SDK1: variants seen among roughly 807,000 people sequenced by gnomAD.
The protein encoded by SDK1 is protein sidekick-1.
In SDK1, 157 loss-of-function variants were observed where a neutral mutation model predicts 245.5. The ratio of observed to expected loss-of-function variants is 0.64; its 90% CI spans 0.56 to 0.73. The LOEUF is 0.73. Ranked by LOEUF, SDK1 falls within the 30% of genes least tolerant of loss-of-function variation. The pLI is 0.00. For missense variants in SDK1, 3,583 were observed against 3,002.3 expected (o/e 1.19, Z -4.52); for synonymous variants, 1,647 against 1,278.5 (o/e 1.29, Z -6.15).
In SDK1 at chr7:4,205,738, A is replaced by G. The variant is rs6462648; in HGVS notation, c.5099-141A>G. 3,424 of 698,740 alleles carry G rather than the reference A, an allele frequency of 4.9e-3. 102 individuals are homozygous for G. The African/African-American group carries it at 0.055, about 11-fold the overall frequency. 43.3% of individuals were successfully genotyped at this position (698,740 alleles called of 1,614,324 possible). The stretch of plus-strand genomic sequence containing the variant: ...ATAACTGTCTAAGGCCTCCTAAGCC[A>G]GGGCGACGGCCCAGGGAAGAATCTC... On this transcript the variant is annotated intron_variant, in intron 35 of 44. Coordinates refer to ENST00000404826, the MANE Select transcript of SDK1 (RefSeq NM_152744.4).
At chr7:3,994,773 C>G (rs1202952456) in intron 14 of SDK1, among the ~76,000 whole-genome samples, 1 of 152,162 alleles carries the variant, frequency 6.6e-6, no homozygotes, top group Non-Finnish European at 1.5e-5. Flanking sequence ...CTGCCCTGCC[C>G]TTCTTTGTTC....
intron 14 of SDK1, among the ~76,000 whole-genome samples, chr7:3,997,552 G>T (rs962600498): frequency 3.7e-4 from 57 of 152,166 alleles, no homozygotes; most frequent in African/African-American, 1.4e-3. Context: ...AGAAGGCCTT[G>T]GAGAGGTTGT....
intron 4 of SDK1, among the ~76,000 whole-genome samples, chr7:3,820,370 G>C (rs147541849): frequency 6.6e-6 from 1 of 152,064 alleles, no homozygotes; most frequent in African/African-American, 2.4e-5. Context: ...GGATGGTCTC[G>C]ATCTCTTGAC....
chr7:3,762,287 C>T (rs1017883510), intron 4 of SDK1, among the ~76,000 whole-genome samples: 6 of 152,102 alleles, frequency 3.9e-5, no homozygotes, highest in Admixed American at 2.0e-4. Context: ...TTTGGTGGTC[C>T]TGATGATGGC....
chr7:3,983,911 C>G (rs941865038), intron 13 of SDK1, among the ~76,000 whole-genome samples: 1 of 152,208 alleles, frequency 6.6e-6, no homozygotes, highest in African/African-American at 2.4e-5. Context: ...ACGTGTGCGT[C>G]TCTGCACATC....
intron 17 of SDK1, among the ~76,000 whole-genome samples, chr7:4,030,987 A>G (rs1382069671): frequency 1.3e-5 from 2 of 152,200 alleles, no homozygotes; most frequent in Non-Finnish European, 2.9e-5. Context: ...ACCAGGTTTC[A>G]TAACAGTAGG....
intron 4 of SDK1, among the ~76,000 whole-genome samples, chr7:3,723,855 C>T (rs565112832): frequency 1.1e-4 from 16 of 140,604 alleles, no homozygotes; most frequent in African/African-American, 4.0e-4. Flanking sequence ...CGTACATATA[C>T]ATATACACGT....
chr7:4,105,962 T>C (rs1176786087), intron 22 of SDK1, among the ~76,000 whole-genome samples: 1 of 152,130 alleles, frequency 6.6e-6, no homozygotes, highest in Non-Finnish European at 1.5e-5. Context: ...GGCACCTGCC[T>C]GGGTTCCCCA....
chr7:3,883,780 C>T (rs569180264), intron 5 of SDK1, among the ~76,000 whole-genome samples: 1 of 147,518 alleles, frequency 6.8e-6, no homozygotes, highest in South Asian at 2.2e-4. Flanking sequence ...AGTCCTTCCT[C>T]CATTCCTCTT....
chr7:3,722,634 A>T, intron 4 of SDK1, among the ~76,000 whole-genome samples: 1 of 152,248 alleles, frequency 6.6e-6, no homozygotes, highest in South Asian at 2.1e-4. Flanking sequence ...CGGGGTGCTT[A>T]TAAAGCGCTG....
At chr7:3,735,847 AT>A (rs1404787050) in intron 4 of SDK1, among the ~76,000 whole-genome samples, 3 of 152,114 alleles carry the variant, frequency 2.0e-5, no homozygotes, top group Non-Finnish European at 4.4e-5. Flanking sequence ...TTTGTTATTT[AT>A]TTATTTATTT....
At chr7:3,519,561 C>T (rs1038464757) in intron 1 of SDK1, among the ~76,000 whole-genome samples, 7 of 132,874 alleles carry the variant, frequency 5.3e-5, no homozygotes, top group Non-Finnish European at 9.5e-5. Flanking sequence ...CATACATGTA[C>T]TTACCTAACT....
At chr7:4,258,094 C>T (rs1357941718) in intron 44 of SDK1, among the ~76,000 whole-genome samples, 1 of 152,210 alleles carries the variant, frequency 6.6e-6, no homozygotes, top group Non-Finnish European at 1.5e-5. Context: ...TCTCTTGAGA[C>T]TACAGGACTT....
At chr7:4,166,743 C>A (rs537911169) in intron 32 of SDK1, among the ~76,000 whole-genome samples, 299 of 152,346 alleles carry the variant, frequency 2.0e-3, no homozygotes, top group African/African-American at 7.0e-3. Flanking sequence ...TGGGCACCTG[C>A]TCTGCCTGAA....
intron 1 of SDK1, among the ~76,000 whole-genome samples, chr7:3,344,732 G>T (rs1042507084): frequency 6.6e-6 from 1 of 152,200 alleles, no homozygotes. Context: ...CCTGAGCCCT[G>T]TCTAGTGTAT....
At position 4,268,902 on chromosome 7, in the gene SDK1, A is replaced by G. The variant is rs1788636960; in HGVS notation, c.*3518A>G. On this transcript the variant is annotated 3_prime_UTR_variant, in exon 45 of 45. Coordinates refer to ENST00000404826, the MANE Select transcript of SDK1 (RefSeq NM_152744.4). The stretch of plus-strand genomic sequence containing the variant: ...CAACTTTTTCTGAAATTGTGCAGAA[A>G]AACAGATCTCATTAAAAGAAAAAAA... 1 of 409,138 alleles carries G rather than the reference A, an allele frequency of 2.4e-6. No individual in the cohort carries two copies. Among genetic ancestry groups the G allele is most frequent in the Admixed American group, 3.3e-5 (1 of 30,106 alleles). The allele number at this position is 409,138 out of a possible 1,614,324, so 25.3% of individuals were successfully genotyped here.
At position 3,782,179 on chromosome 7, in the gene SDK1, G is replaced by A. The variant is rs543159840; in HGVS notation, c.714-39271G>A. On this transcript the variant is annotated intron_variant, in intron 4 of 44. Coordinates refer to ENST00000404826, the MANE Select transcript of SDK1 (RefSeq NM_152744.4). Reference sequence around the variant, plus strand: ...AGCATGGTGCCAGCATGTGCTTCTGGTGAGGGCCTCAGGAAGCTTACAATC... The same window carrying A: ...AGCATGGTGCCAGCATGTGCTTCTGATGAGGGCCTCAGGAAGCTTACAATC... Among the ~76,000 whole-genome samples, 10 of 152,334 alleles carry A rather than the reference G, an allele frequency of 6.6e-5. No homozygotes were observed. In the South Asian group the frequency reaches 2.1e-3, roughly 32 times the overall value.
chr7:4,245,805 G>C lies in SDK1; in HGVS notation c.6381G>C (p.Glu2127Asp), dbSNP rs760814155. Residue 2127 changes from glutamate to aspartate, a missense_variant and splice_region_variant, in exon 44 of 45, where the codon GAG (glutamate) becomes GAC (aspartate). Transcript: ENST00000404826. Reference sequence around the variant, plus strand: ...AGTCGGCAGATGCATCAGAATCTGAGGTCAGTGTCGGTGCCTACTTCCGGG... The same window carrying C: ...AGTCGGCAGATGCATCAGAATCTGACGTCAGTGTCGGTGCCTACTTCCGGG... ...KEKSADASES[E>D]ATDSDYEDAL... is the part of the protein sequence containing the mutation. 9.3e-6 allele frequency: 15 copies of C among 1,613,618 alleles called. No individual in the cohort carries two copies. Among genetic ancestry groups the C allele is most frequent in the Non-Finnish European group, 1.7e-6 (2 of 1,179,890 alleles).
chr7:4,030,767 G>A (rs4295561), intron 17 of SDK1, among the ~76,000 whole-genome samples: 41,248 of 152,104 alleles, frequency 0.27, 7,971 homozygotes, highest in African/African-American at 0.55. Flanking sequence ...TAGCCTTCCC[G>A]CTGTGTTTCA....
Sources: allele counts gnomAD v4.1 joint callset (sites outside exome capture counted in the v4.1 genomes callset), GRCh38; gene constraint gnomAD v4.1.1; transcripts MANE v1.5; gene names NCBI Gene and HGNC (gene_info 2026-07-23, HGNC 2026-07-21).